Variants in CACNG3 observed in about 807,000 individuals in gnomAD.
The protein encoded by CACNG3 is voltage-dependent calcium channel gamma-3 subunit.
CACNG3 carries 3 observed loss-of-function variants against 28.5 expected under a neutral mutation model. That is an observed-to-expected ratio of 0.11 (90% CI 0.05 to 0.27). The LOEUF (loss-of-function observed/expected upper bound fraction) is 0.27. Ranked by LOEUF, CACNG3 falls within the 10% of genes least tolerant of loss-of-function variation. CACNG3 has a pLI of 1.00. For missense variants in CACNG3, 236 were observed against 414.4 expected, an observed-to-expected ratio of 0.57 and a Z score of 3.74; for synonymous variants, 174 against 162.2, an observed-to-expected ratio of 1.07 and a Z score of -0.55.
chr16:24,258,886 A>G (rs1898502968), intron 1 of CACNG3, among the ~76,000 whole-genome samples: 1 of 152,208 alleles, frequency 6.6e-6, no homozygotes, highest in East Asian at 1.9e-4. Context: ...ATTATGATCT[A>G]TGAAAAAAAT....
intron 2 of CACNG3, among the ~76,000 whole-genome samples, chr16:24,348,213 C>A (rs1899895519): frequency 6.6e-6 from 1 of 151,590 alleles, no homozygotes; most frequent in Admixed American, 6.6e-5. Flanking sequence ...GTCTGGGCAA[C>A]ATATTAAGTC....
chr16:24,305,318 ATATGTGTG>A (rs1328415318), intron 1 of CACNG3, among the ~76,000 whole-genome samples: 22 of 118,406 alleles, frequency 1.9e-4, no homozygotes, highest in African/African-American at 6.2e-4. Flanking sequence ...ATATACATAA[ATATGTGTG>A]TGTGTGTGTG....
intron 1 of CACNG3, among the ~76,000 whole-genome samples, chr16:24,311,284 G>T (rs1033284117): frequency 6.6e-6 from 1 of 152,136 alleles, no homozygotes; most frequent in Non-Finnish European, 1.5e-5. Context: ...GCCGAGGAGG[G>T]TGAATCACCT....
chr16:24,268,508 T>C (rs1220898974), intron 1 of CACNG3, among the ~76,000 whole-genome samples: 1 of 152,202 alleles, frequency 6.6e-6, no homozygotes, highest in East Asian at 1.9e-4. Flanking sequence ...CTGGAGATAT[T>C]GTGAAAAATA....
intron 1 of CACNG3, among the ~76,000 whole-genome samples, chr16:24,262,307 A>G (rs1898546025): frequency 6.6e-6 from 1 of 152,108 alleles, no homozygotes; most frequent in Non-Finnish European, 1.5e-5. Flanking sequence ...GAAGAGAGAA[A>G]TGGGATGGAG....
chr16:24,341,809 C>T (rs1418554500), intron 1 of CACNG3, among the ~76,000 whole-genome samples: 1 of 152,120 alleles, frequency 6.6e-6, no homozygotes, highest in African/African-American at 2.4e-5. Flanking sequence ...CAGGTGGGGA[C>T]TTTGGCCAAC....
intron 2 of CACNG3, among the ~76,000 whole-genome samples, chr16:24,349,178 C>G (rs974790467): frequency 2.6e-5 from 4 of 152,246 alleles, no homozygotes; most frequent in South Asian, 4.1e-4. Context: ...TGACCCACAA[C>G]CCTGGTGGGA....
intron 1 of CACNG3, among the ~76,000 whole-genome samples, chr16:24,309,631 A>G (rs1382471344): frequency 6.6e-6 from 1 of 152,202 alleles, no homozygotes; most frequent in Non-Finnish European, 1.5e-5. Context: ...GAAACAGTGC[A>G]ACGACATGCT....
intron 1 of CACNG3, among the ~76,000 whole-genome samples, chr16:24,280,820 T>TAAAAAAAA (rs1898815370): frequency 1.4e-4 from 2 of 14,410 alleles, no homozygotes; most frequent in Non-Finnish European, 2.6e-4. Context: ...AGAGTTTGTC[T>TAAAAAAAA]CAAAAAAAAA....
At chr16:24,278,695 AC>A (rs1177893986) in intron 1 of CACNG3, among the ~76,000 whole-genome samples, 1 of 152,180 alleles carries the variant, frequency 6.6e-6, no homozygotes, top group Non-Finnish European at 1.5e-5. Context: ...TAAATAACTT[AC>A]ACGATTACAT....
chr16:24,354,763 T>C, intron 2 of CACNG3, 70 bp from the exon 3 acceptor site: 1 of 1,520,614 alleles, frequency 6.6e-7, no homozygotes. Context: ...CAGGCACTCC[T>C]GCGCTTGCAA....
At chr16:24,311,535 T>C (rs1210932630) in intron 1 of CACNG3, among the ~76,000 whole-genome samples, 2 of 146,980 alleles carry the variant, frequency 1.4e-5, no homozygotes, top group Non-Finnish European at 3.0e-5. Context: ...CTAAGTACAT[T>C]CTAAAAGCTT....
chr16:24,327,504 T>C (rs1899571927), intron 1 of CACNG3, among the ~76,000 whole-genome samples: 1 of 118,546 alleles, frequency 8.4e-6, no homozygotes, highest in Non-Finnish European at 1.7e-5. Flanking sequence ...TACATATATA[T>C]ATATATGGGG....
chr16:24,274,915 A>G (rs1898734468), intron 1 of CACNG3, among the ~76,000 whole-genome samples: 1 of 152,190 alleles, frequency 6.6e-6, no homozygotes, highest in African/African-American at 2.4e-5. Flanking sequence ...TAGAATACAA[A>G]CTTAGGTATT....
intron 1 of CACNG3, among the ~76,000 whole-genome samples, chr16:24,299,937 C>T (rs554567966): frequency 5.3e-5 from 8 of 149,806 alleles, no homozygotes; most frequent in Middle Eastern, 3.4e-3. Flanking sequence ...CACATGCACA[C>T]GCACACACAC....
chr16:24,326,091 G>C (rs1171485118), intron 1 of CACNG3, among the ~76,000 whole-genome samples: 3 of 152,182 alleles, frequency 2.0e-5, no homozygotes, highest in Admixed American at 2.0e-4. Flanking sequence ...GGGGGGGTTG[G>C]GGGCTTGGCA....
Position 24,305,348 on chromosome 16 carries a change from G to A in CACNG3, c.212-41386G>A, listed in dbSNP as rs1045419753. On this transcript the variant is annotated intron_variant, in intron 1 of 3. Coordinates refer to ENST00000005284, the MANE Select transcript of CACNG3 (RefSeq NM_006539.4). Reference sequence around the variant, plus strand: ...TGTGTGTGTGTGTGTGTGTGTGTGTGTGTGTGTGTGTGTGTGTGTAGACAG... The same window carrying A: ...TGTGTGTGTGTGTGTGTGTGTGTGTATGTGTGTGTGTGTGTGTGTAGACAG... Among the ~76,000 whole-genome samples, 302 of 150,688 alleles carry A rather than the reference G, an allele frequency of 2.0e-3. 4 individuals carry two copies. Among genetic ancestry groups the A allele is most frequent in the African/African-American group, 7.2e-3 (295 of 40,998 alleles).
rs139842254 is a variant in CACNG3 at position 24,345,438 on chromosome 16, C to T, written c.212-1296C>T. Among the ~76,000 whole-genome samples the T allele has an allele frequency of 1.9e-3, 286 of 152,186 alleles. 1 individual carries two copies. The highest frequency in any genetic ancestry group is 2.8e-3 in the Non-Finnish European group (192 of 68,006). On this transcript the variant is annotated intron_variant, in intron 1 of 3. Transcript: ENST00000005284. ...CACCTCAGCCGGGCAAGGTGGCTCA[C>T]GCCTGTAATCCCAGCACATTGGGAG...
At chr16:24,349,777 C>T (rs900314092) in intron 2 of CACNG3, among the ~76,000 whole-genome samples, 1 of 152,106 alleles carries the variant, frequency 6.6e-6, no homozygotes, top group Non-Finnish European at 1.5e-5. Context: ...CTTGTGTTGA[C>T]CCCCTATCTC....
Sources: allele counts gnomAD v4.1 joint callset (sites outside exome capture counted in the v4.1 genomes callset), GRCh38; gene constraint gnomAD v4.1.1; transcripts MANE v1.5; gene names NCBI Gene and HGNC (gene_info 2026-07-23, HGNC 2026-07-21).